RPH3A: variants seen among roughly 807,000 people sequenced by gnomAD.
The protein encoded by RPH3A is rabphilin-3A.
Under a neutral mutation model 102.2 loss-of-function variants are expected in RPH3A, and 48 were observed. The ratio of observed to expected loss-of-function variants is 0.47; its 90% CI spans 0.37 to 0.60. RPH3A has a LOEUF of 0.60. RPH3A is among the 20% of genes least tolerant of loss of function. The pLI is 0.00. For missense variants in RPH3A, 781 were observed against 910.1 expected (o/e 0.86, Z 1.83); for synonymous variants, 310 against 324.3 (o/e 0.96, Z 0.47).
rs757546615 is a variant in RPH3A, at chr12:112,678,232, C to CGAAAGAAA, written c.-140+102980_-140+102987dup. Among the ~76,000 whole-genome samples, 48 of 74,712 alleles carry CGAAAGAAA rather than the reference C, an allele frequency of 6.4e-4. 1 individual carries two copies. The highest frequency in any genetic ancestry group is 6.2e-3 in the Middle Eastern group (1 of 162). The allele number at this position is 74,712 out of a possible 152,430, so 49.0% of individuals were successfully genotyped here. ...CCTGGGCAACAGAGCAAGACCCTGTCGAAAGAAAGAAAGAAAGAAAGAAAG... is the reference window on the plus strand; with the variant it reads ...CCTGGGCAACAGAGCAAGACCCTGTCGAAAGAAAGAAAGAAAGAAAGAAAGAAAGAAAG... On this transcript the variant is annotated intron_variant, in intron 1 of 21. Coordinates refer to the RPH3A transcript ENST00000543106.
intron 1 of RPH3A, among the ~76,000 whole-genome samples, chr12:112,583,882 A>T (rs1661649417): frequency 6.6e-6 from 1 of 152,190 alleles, no homozygotes; most frequent in African/African-American, 2.4e-5. Context: ...ACTACTCGTG[A>T]GGCCAAGTCA....
intron 1 of RPH3A, among the ~76,000 whole-genome samples, chr12:112,636,012 T>TA (rs113676885): frequency 0.061 from 9,302 of 151,660 alleles, 651 homozygotes; most frequent in African/African-American, 0.17. Context: ...AAACATTTAA[T>TA]AAAAAAAAAT....
At position 112,741,565 on chromosome 12, in the gene RPH3A, G is replaced by A. The variant is rs148938169; in HGVS notation, c.-139-50578G>A. Among the ~76,000 whole-genome samples, 93 of 152,276 alleles carry A rather than the reference G, an allele frequency of 6.1e-4. 2 individuals carry two copies. The East Asian group carries it at 0.017, about 28-fold the overall frequency. On this transcript the variant is annotated intron_variant, in intron 1 of 21. Transcript: ENST00000543106. Reference sequence around the variant, plus strand: ...CCCATGTCACCGGTCTCACTCCAAAGCATCAAAGACAGTGGAAGGGGATAG... The same window carrying A: ...CCCATGTCACCGGTCTCACTCCAAAACATCAAAGACAGTGGAAGGGGATAG...
At chr12:112,797,278 A>G (rs2041251183) in intron 2 of RPH3A, among the ~76,000 whole-genome samples, 1 of 152,196 alleles carries the variant, frequency 6.6e-6, no homozygotes, top group Non-Finnish European at 1.5e-5. Context: ...CTTATTAGTC[A>G]TTCACACTTT....
chr12:112,781,497 G>C (rs1033033204), intron 1 of RPH3A, among the ~76,000 whole-genome samples: 2 of 152,144 alleles, frequency 1.3e-5, no homozygotes, highest in African/African-American at 4.8e-5. Flanking sequence ...TCTTCTGTGT[G>C]GTTCGGGACC....
At chr12:112,806,923 G>A (rs139196626) in intron 2 of RPH3A, among the ~76,000 whole-genome samples, 42 of 152,182 alleles carry the variant, frequency 2.8e-4, no homozygotes, top group African/African-American at 9.2e-4. Context: ...AGTGATGTTC[G>A]ACCTGAGATC....
intron 4 of RPH3A, 53 bp downstream of exon 4, chr12:112,836,555 T>C: frequency 1.1e-6 from 1 of 943,488 alleles, no homozygotes; most frequent in South Asian, 1.9e-5. Flanking sequence ...GTATTTTATC[T>C]CTTTCTCTGA....
intron 4 of RPH3A, among the ~76,000 whole-genome samples, chr12:112,844,821 G>A (rs1017603712): frequency 3.3e-5 from 5 of 152,228 alleles, no homozygotes; most frequent in Non-Finnish European, 7.3e-5. Context: ...GAATAGGAGG[G>A]TGGCTTGGCT....
chr12:112,809,236 T>A (rs1488829347), intron 2 of RPH3A, among the ~76,000 whole-genome samples: 2 of 152,156 alleles, frequency 1.3e-5, no homozygotes, highest in Non-Finnish European at 2.9e-5. Flanking sequence ...GGCTGTTGTT[T>A]GGTATGTCAG....
chr12:112,593,662 T>G (rs2039494635), intron 1 of RPH3A, among the ~76,000 whole-genome samples: 1 of 152,210 alleles, frequency 6.6e-6, no homozygotes, highest in Admixed American at 6.5e-5. Context: ...CACCTTCCTG[T>G]GAAGGAAGGG....
At chr12:112,840,119 G>T (rs2042117604) in intron 4 of RPH3A, among the ~76,000 whole-genome samples, 1 of 152,144 alleles carries the variant, frequency 6.6e-6, no homozygotes, top group Admixed American at 6.5e-5. Flanking sequence ...CATATTTCAT[G>T]CTTTTACTAA....
intron 19 of RPH3A, chr12:112,893,339 A>G (rs2043129879): frequency 6.6e-6 from 1 of 152,202 alleles, no homozygotes; most frequent in African/African-American, 2.4e-5. Flanking sequence ...ACTTCTGTAG[A>G]TGAGAATGAA....
intron 15 of RPH3A, among the ~76,000 whole-genome samples, chr12:112,882,188 T>C (rs759775341): frequency 3.7e-4 from 57 of 152,160 alleles, no homozygotes; most frequent in Non-Finnish European, 6.8e-4. Context: ...ACACATTTTA[T>C]GCCCCAACCA....
intron 19 of RPH3A, chr12:112,891,247 G>A: frequency 1.9e-6 from 1 of 525,766 alleles, no homozygotes; most frequent in East Asian, 3.2e-5. Context: ...CCTCTTGAGG[G>A]CCTGCTGATG....
chr12:112,717,181 T>A (rs1246099619), intron 1 of RPH3A, among the ~76,000 whole-genome samples: 1 of 152,204 alleles, frequency 6.6e-6, no homozygotes, highest in African/African-American at 2.4e-5. Context: ...TATTTCTAAA[T>A]TTATAGATAG....
At chr12:112,810,621 G>A (rs1331170421) in intron 2 of RPH3A, among the ~76,000 whole-genome samples, 3 of 152,170 alleles carry the variant, frequency 2.0e-5, no homozygotes, top group African/African-American at 4.8e-5. Context: ...GAAATGTACC[G>A]TTAGTTTCTT....
At position 112,637,939 on chromosome 12, in the gene RPH3A, G is replaced by T. The variant is rs1241775485; in HGVS notation, c.-140+62620G>T. On this transcript the variant is annotated intron_variant, in intron 1 of 21. Transcript: ENST00000543106. ...AATATTTCCTGGGCAGATCTAGTTG[G>T]TGTTGGCTTCTGCTACAGTTTGGAT... Among the ~76,000 whole-genome samples the T allele has an allele frequency of 1.1e-4, 16 of 151,464 alleles. No individual in the cohort carries two copies. In the Admixed American group the frequency reaches 1.1e-3, roughly 10 times the overall value.
chr12:112,688,615 A>G (rs1431892891), intron 1 of RPH3A, among the ~76,000 whole-genome samples: 1 of 152,186 alleles, frequency 6.6e-6, no homozygotes, highest in Admixed American at 6.5e-5. Flanking sequence ...AAAAAAACCA[A>G]TGGGAACAAG....
intron 2 of RPH3A, among the ~76,000 whole-genome samples, chr12:112,824,159 C>T (rs1051942497): frequency 6.6e-6 from 1 of 152,188 alleles, no homozygotes; most frequent in Non-Finnish European, 1.5e-5. Flanking sequence ...TAGGCGAGGG[C>T]GTGGCTTCAC....
Sources: gnomAD v4.1 joint callset for allele counts (sites outside exome capture counted in the v4.1 genomes callset) on GRCh38, gnomAD v4.1.1 for gene constraint, MANE v1.5 for transcripts, NCBI Gene and HGNC (gene_info 2026-07-23, HGNC 2026-07-21) for gene names.